RPS6KA2: variants seen among roughly 807,000 people sequenced by gnomAD.
RPS6KA2 encodes the protein ribosomal protein S6 kinase alpha-2.
Under a neutral mutation model 91.8 loss-of-function variants are expected in RPS6KA2, and 42 were observed. The ratio of observed to expected loss-of-function variants is 0.46; its 90% CI spans 0.36 to 0.59. The LOEUF (loss-of-function observed/expected upper bound fraction) is 0.59, where lower values mean the gene tolerates loss of function less well. Among genes scored for constraint, RPS6KA2 ranks in the 20% least tolerant of loss-of-function variants. RPS6KA2 has a pLI of 0.00. For synonymous variants in RPS6KA2, 414 were observed against 393.6 expected, an observed-to-expected ratio of 1.05 and a Z score of -0.61; for missense variants, 798 against 978.5, an observed-to-expected ratio of 0.82 and a Z score of 2.46.
chr6:166,703,073 G>A (rs1362279015), intron 2 of RPS6KA2, among the ~76,000 whole-genome samples: 1 of 152,152 alleles, frequency 6.6e-6, no homozygotes, highest in East Asian at 1.9e-4. Flanking sequence ...AGCTACAACC[G>A]AAACGCATCC....
rs1779166864 is a variant in RPS6KA2 at position 166,432,449 on chromosome 6, C to G, written c.1374G>C (p.Glu458Asp). 1.9e-6 allele frequency: 3 copies of G among 1,613,924 alleles called. No individual in the cohort carries two copies. The highest frequency in any genetic ancestry group is 2.5e-6 in the Non-Finnish European group (3 of 1,179,828). ...GGTGCTGGCCGTACCGCAGGAGGAT[C>G]TCAATCTCTTCCGAGGGGTCTCTCT... ...KSKRDPSEEI[E>D]ILLRYGQHPN... Residue 458 changes from glutamate (E) to aspartate (D), a missense_variant, in exon 15 of 21, where the codon GAG (glutamate) becomes GAC (aspartate). By Grantham distance (45) the Glu-to-Asp change is conservative. Coordinates refer to ENST00000265678, the MANE Select transcript of RPS6KA2 (RefSeq NM_021135.6).
intron 1 of RPS6KA2, among the ~76,000 whole-genome samples, chr6:166,543,245 G>A (rs892234335): frequency 1.3e-5 from 2 of 152,100 alleles, no homozygotes; most frequent in African/African-American, 2.4e-5. Flanking sequence ...CACAGAACCC[G>A]GACACACCTG....
chr6:166,643,925 T>C (rs1390349287), intron 2 of RPS6KA2, among the ~76,000 whole-genome samples: 8 of 152,258 alleles, frequency 5.3e-5, no homozygotes, highest in Admixed American at 3.3e-4. Context: ...TTGTGTCTCC[T>C]TGGCAAATCA....
Position 166,557,039 on chromosome 6 carries a change from G to A in RPS6KA2, c.100-18255C>T, listed in dbSNP as rs182863394. Among the ~76,000 whole-genome samples the A allele has an allele frequency of 3.3e-5, 5 of 152,316 alleles. No individual in the cohort carries two copies. Among genetic ancestry groups the A allele is most frequent in the South Asian group, 2.1e-4 (1 of 4,828 alleles). ...ACCTGCATGCCAGCAACCAGACCAC[G>A]GGGCATTAGCCGGGGCTGACTCATC... On this transcript the variant is annotated intron_variant, in intron 1 of 20. Coordinates refer to ENST00000265678, the MANE Select transcript of RPS6KA2 (RefSeq NM_021135.6). This position sits in a 1 kb window ranked among gnomAD's most constrained non-coding sequence, Gnocchi z 4.8.
At chr6:166,619,063 C>T (rs998463856) in intron 1 of RPS6KA2, among the ~76,000 whole-genome samples, 3 of 150,930 alleles carry the variant, frequency 2.0e-5, no homozygotes, top group African/African-American at 5.0e-5. Context: ...ATCAGATTCG[C>T]GCACGAGCCC....
intron 1 of RPS6KA2, among the ~76,000 whole-genome samples, chr6:166,553,244 G>A (rs748184756): frequency 1.1e-4 from 17 of 152,214 alleles, no homozygotes; most frequent in Middle Eastern, 3.4e-3. Flanking sequence ...ACAGCCTCCC[G>A]AGTAGCTGGG....
At chr6:166,833,881 TCTTC>T (rs879823191) in intron 2 of RPS6KA2, among the ~76,000 whole-genome samples, 23 of 151,722 alleles carry the variant, frequency 1.5e-4, no homozygotes, top group Non-Finnish European at 2.6e-4. Context: ...AAATTCCTTT[TCTTC>T]TTTCTTTCTT....
At position 166,448,841 on chromosome 6, in the gene RPS6KA2, G is replaced by A. The variant is rs570123188; in HGVS notation, c.1215C>T (p.His405=). ...CATCGGTGAAGTGGATGTTGTTCCC[G>A]TGTAACTGCTGCAGAGGGACCAAGA... is the stretch of plus-strand genomic sequence containing the variant. ...VPVHPIVQQL[H]GNNIHFTDGY... Residue 405 remains histidine, a synonymous_variant, in exon 14 of 21, where the codon CAC becomes CAT. Transcript: ENST00000265678. This position sits in a 1 kb window ranked among gnomAD's most constrained non-coding sequence, Gnocchi z 4.7. 51 of 1,613,754 alleles carry A rather than the reference G, an allele frequency of 3.2e-5. 1 individual carries two copies. The South Asian group carries it at 3.5e-4, about 11-fold the overall frequency.
chr6:166,720,928 G>A (rs1008677072), intron 2 of RPS6KA2, among the ~76,000 whole-genome samples: 6 of 152,282 alleles, frequency 3.9e-5, no homozygotes, highest in African/African-American at 1.2e-4. Flanking sequence ...AGATAGTTGA[G>A]GAGAAGACGC....
intron 2 of RPS6KA2, among the ~76,000 whole-genome samples, chr6:166,823,465 G>GTGTGTGTGTT (rs1779956516): frequency 6.6e-6 from 1 of 151,476 alleles, no homozygotes; most frequent in Admixed American, 6.6e-5. Flanking sequence ...GTGTGTGTGT[G>GTGTGTGTGTT]TGTGTGTGTA....
rs1456186351 is a variant in RPS6KA2, at chr6:166,419,989, C to G, written c.1744-31G>C. 4 of 1,596,970 alleles carry G rather than the reference C, an allele frequency of 2.5e-6. No individual in the cohort carries two copies. In the African/African-American group the frequency reaches 4.0e-5, roughly 16 times the overall value. ...AGGGAACGACAGGACACCGGCACGC[C>G]CTTCACTAAGGACATTCAGATTGAC... On this transcript the variant is annotated intron_variant, in intron 17 of 20. Transcript: ENST00000265678. This position sits in a 1 kb window ranked among gnomAD's most constrained non-coding sequence, Gnocchi z 5.6.
chr6:166,778,305 C>A (rs972222167), intron 2 of RPS6KA2, among the ~76,000 whole-genome samples: 1 of 152,366 alleles, frequency 6.6e-6, no homozygotes, highest in East Asian at 1.9e-4. Context: ...ACTGACTGAT[C>A]AACCTCATAC....
At chr6:166,676,037 CG>C (rs919975576) in intron 2 of RPS6KA2, among the ~76,000 whole-genome samples, 14 of 151,910 alleles carry the variant, frequency 9.2e-5, no homozygotes, top group African/African-American at 3.4e-4. Context: ...CCTGGGAGGC[CG>C]GGTGCGGTGG....
chr6:166,451,954 G>A (rs188956687), intron 12 of RPS6KA2, among the ~76,000 whole-genome samples: 2 of 152,284 alleles, frequency 1.3e-5, no homozygotes, highest in African/African-American at 4.8e-5. Flanking sequence ...CAGATGAGAG[G>A]TTAAACTCTC....
At chr6:166,524,724 A>G (rs1357889429) in intron 3 of RPS6KA2, among the ~76,000 whole-genome samples, 1 of 152,146 alleles carries the variant, frequency 6.6e-6, no homozygotes, top group Non-Finnish European at 1.5e-5. Flanking sequence ...ACACTCTAAC[A>G]AGGGAGAGCC....
chr6:166,421,320 A>C (rs1778711315), intron 17 of RPS6KA2, among the ~76,000 whole-genome samples: 1 of 152,198 alleles, frequency 6.6e-6, no homozygotes, highest in African/African-American at 2.4e-5. Context: ...ATATTGTGGG[A>C]GACCAGAATA....
intron 11 of RPS6KA2, among the ~76,000 whole-genome samples, chr6:166,465,539 T>C (rs1780485524): frequency 6.6e-6 from 1 of 152,150 alleles, no homozygotes; most frequent in African/African-American, 2.4e-5. Context: ...GTTGACAGCT[T>C]CTAAGACCAT....
chr6:166,480,328 G>A (rs955010752), intron 10 of RPS6KA2, among the ~76,000 whole-genome samples: 5 of 151,634 alleles, frequency 3.3e-5, no homozygotes, highest in Admixed American at 1.3e-4. Flanking sequence ...TGGCTGATTC[G>A]AAAGCACAAA....
chr6:166,806,198 A>T (rs1015875273), intron 2 of RPS6KA2, among the ~76,000 whole-genome samples: 1 of 152,198 alleles, frequency 6.6e-6, no homozygotes, highest in Non-Finnish European at 1.5e-5. Context: ...AGGGATAGAG[A>T]GAGAATATTT....
Sources: allele counts gnomAD v4.1 joint callset (sites outside exome capture counted in the v4.1 genomes callset), GRCh38; gene constraint gnomAD v4.1.1; non-coding constraint Gnocchi (gnomAD v3.1); transcripts MANE v1.5; gene names NCBI Gene and HGNC (gene_info 2026-07-23, HGNC 2026-07-21).